Variants in PPP1R1C observed in about 807,000 individuals in gnomAD.
The protein encoded by PPP1R1C is protein phosphatase 1 regulatory inhibitor subunit 1C.
Under a neutral mutation model 17.4 loss-of-function variants are expected in PPP1R1C, and 15 were observed. The observed-to-expected ratio is 0.86, with a 90% CI of 0.58 to 1.33. PPP1R1C has a LOEUF of 1.33. PPP1R1C is among the 40% of genes most tolerant of loss of function. The probability of loss-of-function intolerance (pLI) is 0.00; values close to 1 mark genes in which losing one functional copy is unlikely to be tolerated. For missense variants in PPP1R1C, 143 were observed against 130.0 expected (o/e 1.10, Z -0.48); for synonymous variants, 35 against 43.1 (o/e 0.81, Z 0.73).
chr2:182,012,727 T>C (rs561189957), intron 2 of PPP1R1C, among the ~76,000 whole-genome samples: 3 of 152,084 alleles, frequency 2.0e-5, no homozygotes, highest in Non-Finnish European at 4.4e-5. Context: ...TCTCTGGTAG[T>C]ATGCATTAAT....
rs145550413 is a variant in PPP1R1C at position 181,987,091 on chromosome 2, A to G, written c.82-748A>G. Among the ~76,000 whole-genome samples, 12 of 152,276 alleles carry G rather than the reference A, an allele frequency of 7.9e-5. No individual in the cohort carries two copies. The East Asian group carries it at 2.3e-3, about 29-fold the overall frequency. On this transcript the variant is annotated intron_variant, in intron 1 of 4. Transcript: ENST00000682840. ...TGTATCCTTGAACATGTGTCTATCC[A>G]TGCTGAATGGGATGTTGCTTCTATC... is the stretch of plus-strand genomic sequence containing the variant.
chr2:181,966,626 G>A (rs895891140), intron 1 of PPP1R1C, among the ~76,000 whole-genome samples: 1 of 152,128 alleles, frequency 6.6e-6, no homozygotes, highest in Non-Finnish European at 1.5e-5. Context: ...ATTTCTGTAT[G>A]TTGGACCATC....
chr2:182,098,415 C>A (rs1689005911), intron 4 of PPP1R1C, among the ~76,000 whole-genome samples: 1 of 151,992 alleles, frequency 6.6e-6, no homozygotes, highest in Non-Finnish European at 1.5e-5. Flanking sequence ...TCATGTATAA[C>A]AAAAAGGCAC....
intron 2 of PPP1R1C, among the ~76,000 whole-genome samples, chr2:182,035,727 G>T (rs1370629162): frequency 1.3e-5 from 2 of 152,100 alleles, no homozygotes; most frequent in Admixed American, 1.3e-4. Flanking sequence ...TGCCGTGATT[G>T]TAAGTTTCCC....
intron 4 of PPP1R1C, among the ~76,000 whole-genome samples, chr2:182,102,782 G>A (rs945988009): frequency 1.3e-5 from 2 of 152,126 alleles, no homozygotes; most frequent in Non-Finnish European, 2.9e-5. Context: ...ACCTAGAGGA[G>A]CATTTGAAAA....
chr2:181,985,732 G>C, upstream of PPP1R1C: 1 of 263,304 alleles, frequency 3.8e-6, no homozygotes, highest in South Asian at 5.7e-5. This position sits in a 1 kb window ranked among gnomAD's most constrained non-coding sequence, Gnocchi z 4.1. Flanking sequence ...AATGTACAGT[G>C]GATAGAGCCT....
chr2:182,082,695 A>G (rs943759360), intron 4 of PPP1R1C, among the ~76,000 whole-genome samples: 3 of 152,236 alleles, frequency 2.0e-5, no homozygotes, highest in African/African-American at 7.2e-5. Flanking sequence ...ATCTATTTTA[A>G]CAAAAGCACT....
intron 4 of PPP1R1C, among the ~76,000 whole-genome samples, chr2:182,080,732 A>AG (rs1688451103): frequency 6.6e-6 from 1 of 151,928 alleles, no homozygotes; most frequent in Non-Finnish European, 1.5e-5. Context: ...GGGAAAAAAA[A>AG]AGGAAAATAT....
At chr2:181,985,235 T>C (rs1173027615), upstream of PPP1R1C, among the ~76,000 whole-genome samples, 4 of 152,208 alleles carry the variant, frequency 2.6e-5, no homozygotes. This position sits in a 1 kb window ranked among gnomAD's most constrained non-coding sequence, Gnocchi z 4.1. Flanking sequence ...TAATGAAAAC[T>C]GTGAACTGCA....
intron 2 of PPP1R1C, among the ~76,000 whole-genome samples, chr2:182,015,370 T>A (rs551097652): frequency 6.6e-6 from 1 of 152,172 alleles, no homozygotes; most frequent in African/African-American, 2.4e-5. Context: ...TTGTGAGGCC[T>A]CCCTAGCCAT....
At chr2:182,087,686 T>C (rs1688668489) in intron 4 of PPP1R1C, among the ~76,000 whole-genome samples, 1 of 152,216 alleles carries the variant, frequency 6.6e-6, no homozygotes, top group African/African-American at 2.4e-5. Flanking sequence ...TGACCATGTC[T>C]GTTTTGGTCA....
chr2:182,014,608 G>C (rs1363829717), intron 2 of PPP1R1C, among the ~76,000 whole-genome samples: 1 of 151,936 alleles, frequency 6.6e-6, no homozygotes, highest in African/African-American at 2.4e-5. Flanking sequence ...ATCCAGCCAG[G>C]CTGATGTCCT....
chr2:181,975,312 C>T (rs1334799606), intron 2 of PPP1R1C: 1 of 151,090 alleles, frequency 6.6e-6, no homozygotes. Flanking sequence ...CAAGTCTTCC[C>T]TGATTGATAA....
At chr2:182,081,751 TG>T (rs1688484875) in intron 4 of PPP1R1C, among the ~76,000 whole-genome samples, 1 of 152,264 alleles carries the variant, frequency 6.6e-6, no homozygotes, top group African/African-American at 2.4e-5. Flanking sequence ...CTATGTCTAA[TG>T]TGTGCGGTTG....
At chr2:182,040,344 T>G (rs1687144099) in intron 2 of PPP1R1C, among the ~76,000 whole-genome samples, 2 of 152,248 alleles carry the variant, frequency 1.3e-5, no homozygotes, top group South Asian at 4.1e-4. Flanking sequence ...ATAGTGGTCA[T>G]TCTTGCAGGA....
chr2:181,996,877 T>C (rs755794265), intron 2 of PPP1R1C, among the ~76,000 whole-genome samples: 2 of 152,236 alleles, frequency 1.3e-5, no homozygotes, highest in Non-Finnish European at 2.9e-5. Flanking sequence ...TTTGCCTCAA[T>C]GATGCAATAT....
chr2:182,037,371 G>A (rs149716272), intron 2 of PPP1R1C, among the ~76,000 whole-genome samples: 2 of 152,256 alleles, frequency 1.3e-5, no homozygotes, highest in African/African-American at 2.4e-5. Context: ...AGAGGATCAC[G>A]AGGTCAAGAG....
At chr2:182,045,471 A>T (rs1687315483) in intron 2 of PPP1R1C, among the ~76,000 whole-genome samples, 1 of 151,692 alleles carries the variant, frequency 6.6e-6, no homozygotes, top group Admixed American at 6.6e-5. Context: ...TGATGATAGG[A>T]TGCCTTCAGT....
intron 2 of PPP1R1C, among the ~76,000 whole-genome samples, chr2:182,059,136 A>C (rs72893126): frequency 3.9e-5 from 6 of 152,208 alleles, no homozygotes; most frequent in Non-Finnish European, 7.4e-5. Flanking sequence ...CTTCATCTTT[A>C]ATGATGACAA....
Sources: gnomAD v4.1 joint callset for allele counts (sites outside exome capture counted in the v4.1 genomes callset) on GRCh38, gnomAD v4.1.1 for gene constraint, Gnocchi (gnomAD v3.1) non-coding constraint, MANE v1.5 for transcripts, NCBI Gene and HGNC (gene_info 2026-07-23, HGNC 2026-07-21) for gene names.